Variants in TBXAS1 observed in about 807,000 individuals in gnomAD.
TBXAS1 encodes the protein thromboxane A synthase 1, also known as thromboxane-A synthase.
Under a neutral mutation model 60.7 loss-of-function variants are expected in TBXAS1, and 48 were observed. The observed-to-expected ratio is 0.79, with a 90% CI of 0.63 to 1.01. The LOEUF (loss-of-function observed/expected upper bound fraction) is 1.01, where lower values mean the gene tolerates loss of function less well. TBXAS1 is among the 50% of genes least tolerant of loss of function. TBXAS1 has a pLI of 0.00. For synonymous variants in TBXAS1, 287 were observed against 269.7 expected, an observed-to-expected ratio of 1.06 and a Z score of -0.63; for missense variants, 685 against 686.3, an observed-to-expected ratio of 1.00 and a Z score of 0.02.
rs200973334 is a variant in TBXAS1 at position 139,936,185 on chromosome 7, C to G, written c.334-6C>G. 1.2e-6 allele frequency: 2 copies of G among 1,614,094 alleles called. No homozygotes were observed. The highest frequency in any genetic ancestry group is 2.2e-5 in the East Asian group (1 of 44,886). ...TCCTGACCCTCTGCTTGTTACTTCC[C>G]AACAGGCGTCGGGTTTGGAGTTCAA... On this transcript the variant is annotated splice_polypyrimidine_tract_variant and splice_region_variant and intron_variant, in intron 4 of 12. Transcript: ENST00000448866.
intron 4 of TBXAS1, among the ~76,000 whole-genome samples, chr7:139,935,621 T>C (rs1807693165): frequency 6.6e-6 from 1 of 152,104 alleles, no homozygotes; most frequent in South Asian, 2.1e-4. Context: ...GAATGACCAA[T>C]AGAACACAGA....
intron 5 of TBXAS1, among the ~76,000 whole-genome samples, chr7:139,942,776 G>A (rs1048002969): frequency 5.9e-5 from 9 of 152,134 alleles, no homozygotes; most frequent in South Asian, 2.1e-4. Flanking sequence ...GCACTGATCC[G>A]GCTCTCTGCC....
chr7:139,996,443 G>C (rs1315492110), intron 9 of TBXAS1, among the ~76,000 whole-genome samples: 3 of 152,106 alleles, frequency 2.0e-5, no homozygotes. Flanking sequence ...ATCCCCGTCT[G>C]TGCGATACCA....
In TBXAS1 at chr7:139,930,059, T is replaced by A. The variant is rs541337790; in HGVS notation, c.334-6132T>A. ...CCATGCCCTCTCTGGCCTGCCTCCA[T>A]CCCTCCCCTCCAGCCGCGCCACATC... is the stretch of plus-strand genomic sequence containing the variant. On this transcript the variant is annotated intron_variant, in intron 4 of 12. Coordinates refer to ENST00000448866, the MANE Select transcript of TBXAS1 (RefSeq NM_001061.7). Among the ~76,000 whole-genome samples the A allele has an allele frequency of 5.3e-4, 80 of 152,156 alleles. 1 individual carries two copies. Among genetic ancestry groups the A allele is most frequent in the Non-Finnish European group, 9.9e-4 (67 of 67,982 alleles).
At chr7:139,799,360 T>C (rs2116348884) in intron 4 of TBXAS1, among the ~76,000 whole-genome samples, 1 of 152,076 alleles carries the variant, frequency 6.6e-6, no homozygotes, top group Non-Finnish European at 1.5e-5. Context: ...CTCCCCCAAG[T>C]AGCTGGGACT....
At chr7:139,834,794 C>T (rs1798947668) in intron 1 of TBXAS1, among the ~76,000 whole-genome samples, 1 of 152,086 alleles carries the variant, frequency 6.6e-6, no homozygotes, top group African/African-American at 2.4e-5. Context: ...CCTGAACAGA[C>T]CAATACAAGC....
chr7:139,847,929 C>A (rs953193080), intron 1 of TBXAS1, among the ~76,000 whole-genome samples: 1 of 152,154 alleles, frequency 6.6e-6, no homozygotes, highest in African/African-American at 2.4e-5. Context: ...TCAAGTGATC[C>A]TTTCACCTCA....
intron 3 of TBXAS1, among the ~76,000 whole-genome samples, chr7:139,908,171 T>A (rs1436217166): frequency 2.0e-5 from 3 of 152,006 alleles, no homozygotes; most frequent in East Asian, 3.8e-4. Flanking sequence ...CTTTTTTTTT[T>A]ATTATTTCCT....
chr7:139,957,302 A>C (rs559682379), intron 7 of TBXAS1, among the ~76,000 whole-genome samples: 1 of 152,226 alleles, frequency 6.6e-6, no homozygotes, highest in Non-Finnish European at 1.5e-5. Context: ...TTCTCTCTTA[A>C]TGAAGTACAA....
chr7:139,822,156 G>A (rs1041294828), intron 4 of TBXAS1, among the ~76,000 whole-genome samples: 2 of 152,170 alleles, frequency 1.3e-5, no homozygotes, highest in African/African-American at 4.8e-5. Context: ...TATGGAAGGG[G>A]TAGGATTTGA....
intron 1 of TBXAS1, among the ~76,000 whole-genome samples, chr7:139,837,766 T>C (rs1373637503): frequency 6.6e-6 from 1 of 152,066 alleles, no homozygotes; most frequent in Non-Finnish European, 1.5e-5. Context: ...ACTAAAGAAC[T>C]TACTCATGTA....
chr7:139,959,576 C>G (rs1445270640), intron 8 of TBXAS1, among the ~76,000 whole-genome samples: 1 of 152,142 alleles, frequency 6.6e-6, no homozygotes, highest in Non-Finnish European at 1.5e-5. Context: ...TTCCTCTGGC[C>G]TCTGTAGCTG....
intron 3 of TBXAS1, among the ~76,000 whole-genome samples, chr7:139,787,023 C>G (rs979001614): frequency 3.3e-5 from 5 of 152,188 alleles, no homozygotes; most frequent in Admixed American, 6.5e-5. Context: ...ATCCCATTAC[C>G]TACAGCTAAC....
intron 3 of TBXAS1, among the ~76,000 whole-genome samples, chr7:139,895,818 G>A (rs925001987): frequency 2.0e-5 from 3 of 152,330 alleles, no homozygotes; most frequent in African/African-American, 4.8e-5. Context: ...AGACTGGCTG[G>A]GGCCAGCCAC....
At chr7:139,963,055 C>G (rs1270853835) in intron 9 of TBXAS1, 1 of 152,200 alleles carries the variant, frequency 6.6e-6, no homozygotes, top group African/African-American at 2.4e-5. Context: ...AAAACCACTT[C>G]CCGGGAAATT....
intron 4 of TBXAS1, among the ~76,000 whole-genome samples, chr7:139,811,792 T>C (rs1313253721): frequency 6.6e-6 from 1 of 152,222 alleles, no homozygotes; most frequent in Non-Finnish European, 1.5e-5. Context: ...GAATGTACTC[T>C]GTTGTGAATG....
intron 4 of TBXAS1, among the ~76,000 whole-genome samples, chr7:139,920,514 T>C (rs1806378293): frequency 6.6e-6 from 1 of 152,192 alleles, no homozygotes; most frequent in South Asian, 2.1e-4. Context: ...AGGAAGTTTT[T>C]AACCTGGTCT....
At position 139,986,736 on chromosome 7, in the gene TBXAS1, TATAC is replaced by T. The variant is rs771186113; in HGVS notation, c.1135-20347_1135-20344del. Among the ~76,000 whole-genome samples, 10 of 41,348 alleles carry T rather than the reference TATAC, an allele frequency of 2.4e-4. No individual in the cohort carries two copies. In the East Asian group the frequency reaches 6.3e-3, roughly 26 times the overall value. The allele number at this position is 41,348 out of a possible 152,430, so 27.1% of individuals were successfully genotyped here. ...TAGTATTCCATCATATATATATATATATACATACATATATATATATGTGTGTGTG... is the reference window on the plus strand; with the variant it reads ...TAGTATTCCATCATATATATATATATATACATATATATATATGTGTGTGTG... On this transcript the variant is annotated intron_variant, in intron 9 of 12. Transcript: ENST00000448866.
chr7:139,945,072 T>G (rs1808591848), intron 5 of TBXAS1, among the ~76,000 whole-genome samples: 1 of 152,206 alleles, frequency 6.6e-6, no homozygotes, highest in African/African-American at 2.4e-5. Flanking sequence ...AATAACCAGA[T>G]TCTGCCCTTT....
Sources: gnomAD v4.1 joint callset for allele counts (sites outside exome capture counted in the v4.1 genomes callset) on GRCh38, gnomAD v4.1.1 for gene constraint, MANE v1.5 for transcripts, NCBI Gene and HGNC (gene_info 2026-07-23, HGNC 2026-07-21) for gene names.